BMP2K: variants seen among roughly 807,000 people sequenced by gnomAD.
BMP2K encodes the protein BMP2 inducible kinase.
BMP2K carries 74 observed loss-of-function variants against 116.0 expected under a neutral mutation model. The ratio of observed to expected loss-of-function variants is 0.64; its 90% CI spans 0.53 to 0.77. The LOEUF (loss-of-function observed/expected upper bound fraction) is 0.77. Among genes scored for constraint, BMP2K ranks in the 30% least tolerant of loss-of-function variants. The pLI is 0.00. For missense variants in BMP2K, 1,365 were observed against 1,403.6 expected (o/e 0.97, Z 0.44); for synonymous variants, 486 against 502.5 (o/e 0.97, Z 0.44).
At chr4:78,901,121 A>G (rs975439549) in intron 15 of BMP2K, among the ~76,000 whole-genome samples, 1 of 152,082 alleles carries the variant, frequency 6.6e-6, no homozygotes, top group Non-Finnish European at 1.5e-5. Context: ...TAGGCTTACT[A>G]CAGCCCGGAC....
At chr4:78,822,120 G>A (rs1230223280) in intron 1 of BMP2K, among the ~76,000 whole-genome samples, 1 of 152,172 alleles carries the variant, frequency 6.6e-6, no homozygotes, top group Non-Finnish European at 1.5e-5. Flanking sequence ...ATACTACAGT[G>A]TATAACAATT....
At chr4:78,783,292 C>G (rs1727592864) in intron 1 of BMP2K, among the ~76,000 whole-genome samples, 1 of 152,094 alleles carries the variant, frequency 6.6e-6, no homozygotes, top group Non-Finnish European at 1.5e-5. Context: ...ACAAAGGACA[C>G]TATATACAAT....
At chr4:78,819,473 G>C (rs1484576986) in intron 1 of BMP2K, among the ~76,000 whole-genome samples, 1 of 152,186 alleles carries the variant, frequency 6.6e-6, no homozygotes, top group South Asian at 2.1e-4. Context: ...ATTCTTTAGA[G>C]TAGTCCTATG....
At chr4:78,786,932 T>C (rs1414666603) in intron 1 of BMP2K, among the ~76,000 whole-genome samples, 1 of 152,186 alleles carries the variant, frequency 6.6e-6, no homozygotes, top group Non-Finnish European at 1.5e-5. Context: ...TTTAAAATAT[T>C]TGGTAGAGAT....
In BMP2K at chr4:78,910,682, G is replaced by C. The variant is rs1179513676; in HGVS notation, c.2135G>C (p.Gly712Ala). Residue 712 changes from glycine (G) to alanine (A), a missense_variant, in exon 16 of 16, where the codon GGT becomes GCT. This residue lies in a region of BMP2K where 596 missense variants were observed against 623.2 expected (regional missense o/e 0.96). Coordinates refer to ENST00000502613, the MANE Select transcript of BMP2K (RefSeq NM_198892.2). ...ENGTANPIKNGKTSPASKDQR... is the reference protein window; with the variant it reads ...ENGTANPIKNAKTSPASKDQR... ...GGCACTGCAAACCCTATCAAGAACG[G>C]TAAAACAAGTCCAGCATCTAAAGAT... is the stretch of plus-strand genomic sequence containing the variant. 6.2e-7 allele frequency: 1 copy of C among 1,608,412 alleles called. No homozygotes were observed. The highest frequency in any genetic ancestry group is 1.7e-5 in the Admixed American group (1 of 58,876).
chr4:78,908,439 T>C (rs1734394987), intron 15 of BMP2K, among the ~76,000 whole-genome samples: 1 of 152,222 alleles, frequency 6.6e-6, no homozygotes, highest in Admixed American at 6.5e-5. Flanking sequence ...CTTTGTAGTT[T>C]GTTTTGTATG....
rs558408146 is a variant in BMP2K at position 78,798,798 on chromosome 4, C to T, written c.178+22077C>T. The stretch of plus-strand genomic sequence containing the variant: ...AGTTGATAGTTACTCCAGTTGCTTT[C>T]GTGGGTGATTTCACATTGAGGCTAA... On this transcript the variant is annotated intron_variant, in intron 1 of 15. Transcript: ENST00000502613. 9.9e-5 allele frequency among the ~76,000 whole-genome samples: 15 copies of T among 152,264 alleles called. No homozygotes were observed. The East Asian group carries it at 1.4e-3, about 14-fold the overall frequency.
chr4:78,870,940 G>GCAACAGCAA lies in BMP2K; in HGVS notation c.1391_1392insACAGCAACA (p.Gln484_Gln486dup). On this transcript the variant is annotated inframe_insertion, in exon 11 of 16. Transcript: ENST00000502613. The stretch of plus-strand genomic sequence containing the variant: ...ATCGTCATCCTCACCAGCAGCAGCA[G>GCAACAGCAA]CAGCAGCAGCAGCAACAGCAACAGC... 6.2e-7 allele frequency: 1 copy of GCAACAGCAA among 1,608,562 alleles called. No individual in the cohort carries two copies. The highest frequency in any genetic ancestry group is 1.1e-5 in the South Asian group (1 of 90,914).
Position 78,870,952 on chromosome 4 carries a change from G to GCAA in BMP2K, c.1404_1406dup (p.Gln486dup), listed in dbSNP as rs777383965. ...ACCAGCAGCAGCAGCAGCAGCAGCA[G>GCAA]CAACAGCAACAGCAGCAGCAGCAAC... On this transcript the variant is annotated inframe_insertion, in exon 11 of 16. Coordinates refer to ENST00000502613, the MANE Select transcript of BMP2K (RefSeq NM_198892.2). 1.2e-6 allele frequency: 2 copies of GCAA among 1,607,834 alleles called. No individual in the cohort carries two copies. The highest frequency in any genetic ancestry group is 8.5e-7 in the Non-Finnish European group (1 of 1,178,146).
At chr4:78,810,695 A>G (rs919095644) in intron 1 of BMP2K, among the ~76,000 whole-genome samples, 1 of 152,180 alleles carries the variant, frequency 6.6e-6, no homozygotes, top group African/African-American at 2.4e-5. Context: ...TTTCACAGCT[A>G]CTGTGGTTGT....
chr4:78,842,530 A>G lies in BMP2K; in HGVS notation c.546+3A>G, dbSNP rs1052246759. 9 of 1,569,380 alleles carry G rather than the reference A, an allele frequency of 5.7e-6. No homozygotes were observed. The African/African-American group carries it at 1.1e-4, about 19-fold the overall frequency. The stretch of plus-strand genomic sequence containing the variant: ...CAATAATTCACCGGGATCTGAAGGT[A>G]AGAACTTTAGAATTCCTATGGATTA... On this transcript the variant is annotated splice_donor_region_variant and intron_variant, in intron 4 of 15. Transcript: ENST00000502613.
intron 1 of BMP2K, among the ~76,000 whole-genome samples, chr4:78,784,894 T>C (rs1315132990): frequency 6.6e-6 from 1 of 152,212 alleles, no homozygotes; most frequent in Non-Finnish European, 1.5e-5. Context: ...TTTTCCATTT[T>C]AGTATTCTTG....
At chr4:78,843,971 A>G (rs572714530) in intron 4 of BMP2K, among the ~76,000 whole-genome samples, 1 of 151,968 alleles carries the variant, frequency 6.6e-6, no homozygotes, top group East Asian at 1.9e-4. Flanking sequence ...TTTATTTTGT[A>G]CAAATTTTTA....
Position 78,810,578 on chromosome 4 carries a change from G to A in BMP2K, c.179-15459G>A, listed in dbSNP as rs190916479. Among the ~76,000 whole-genome samples, 394 of 152,274 alleles carry A rather than the reference G, an allele frequency of 2.6e-3. 1 individual carries two copies. Among genetic ancestry groups the A allele is most frequent in the Non-Finnish European group, 4.4e-3 (302 of 68,022 alleles). ...CACATAAAGACAAACCTGGAGAATG[G>A]AGCTTTTCCAGGTAGCTGACTGACA... On this transcript the variant is annotated intron_variant, in intron 1 of 15. Transcript: ENST00000502613.
chr4:78,801,534 T>C (rs932469335), intron 1 of BMP2K, among the ~76,000 whole-genome samples: 1 of 152,214 alleles, frequency 6.6e-6, no homozygotes, highest in Admixed American at 6.5e-5. Flanking sequence ...TTCTAATTTG[T>C]CTCCCAATTC....
At chr4:78,896,665 A>G (rs1402112962) in intron 15 of BMP2K, among the ~76,000 whole-genome samples, 3 of 152,210 alleles carry the variant, frequency 2.0e-5, no homozygotes, top group Non-Finnish European at 2.9e-5. Flanking sequence ...CTTGATTTTT[A>G]CAAATGAATT....
Position 78,857,722 on chromosome 4 carries a change from G to C in BMP2K, c.884-1862G>C, listed in dbSNP as rs914187439. On this transcript the variant is annotated intron_variant, in intron 7 of 15. Coordinates refer to ENST00000502613, the MANE Select transcript of BMP2K (RefSeq NM_198892.2). ...TCACTCACTGCTATTCCTTAAGGAT[G>C]TTGTTCACTTTGTGTGAGCTATCTT... Among the ~76,000 whole-genome samples the C allele has an allele frequency of 5.3e-5, 8 of 152,200 alleles. 1 individual carries two copies. The South Asian group carries it at 1.7e-3, about 32-fold the overall frequency.
At chr4:78,841,673 C>T (rs996063455) in intron 3 of BMP2K, among the ~76,000 whole-genome samples, 2 of 152,054 alleles carry the variant, frequency 1.3e-5, no homozygotes, top group African/African-American at 2.4e-5. Context: ...CTCACCTTAT[C>T]GTCTCCTCTG....
chr4:78,885,244 A>G (rs1325449957), intron 14 of BMP2K, among the ~76,000 whole-genome samples: 3 of 152,220 alleles, frequency 2.0e-5, no homozygotes, highest in East Asian at 1.9e-4. Context: ...TCTTAGCTGT[A>G]AGAGCTGGTA....
Sources: allele counts gnomAD v4.1 joint callset (sites outside exome capture counted in the v4.1 genomes callset), GRCh38; gene constraint gnomAD v4.1.1; regional missense constraint gnomAD v4.1.1; transcripts MANE v1.5; gene names NCBI Gene and HGNC (gene_info 2026-07-23, HGNC 2026-07-21).